The following CNTNAP2 variants were observed in gnomAD, a reference collection of about 807,000 sequenced individuals.
CNTNAP2 encodes contactin associated protein 2, also known as contactin-associated protein-like 2.
CNTNAP2 carries 98 observed loss-of-function variants against 155.2 expected under a neutral mutation model. The observed-to-expected ratio is 0.63, with a 90% CI of 0.54 to 0.75. The LOEUF (loss-of-function observed/expected upper bound fraction) is 0.75, where lower values mean the gene tolerates loss of function less well. Ranked by LOEUF, CNTNAP2 falls within the 30% of genes least tolerant of loss-of-function variation. The pLI is 0.00. For synonymous variants in CNTNAP2, 651 were observed against 631.2 expected, an observed-to-expected ratio of 1.03 and a Z score of -0.47; for missense variants, 1,727 against 1,688.1, an observed-to-expected ratio of 1.02 and a Z score of -0.40.
At chr7:146,790,934 T>C (rs529566499) in intron 2 of CNTNAP2, among the ~76,000 whole-genome samples, 5 of 152,114 alleles carry the variant, frequency 3.3e-5, no homozygotes, top group Admixed American at 2.6e-4. Flanking sequence ...TCTTTTTTTT[T>C]TTTAACTTTA....
At chr7:146,567,373 A>G (rs1798373463) in intron 1 of CNTNAP2, among the ~76,000 whole-genome samples, 1 of 152,188 alleles carries the variant, frequency 6.6e-6, no homozygotes. Context: ...CTTCAAAGCA[A>G]TTTTCTAAAA....
intron 21 of CNTNAP2, among the ~76,000 whole-genome samples, chr7:148,272,677 G>A (rs1278198553): frequency 6.6e-6 from 1 of 152,172 alleles, no homozygotes; most frequent in African/African-American, 2.4e-5. Flanking sequence ...AATAGAAGAT[G>A]GGAGACCCCC....
At position 146,716,382 on chromosome 7, in the gene CNTNAP2, C is replaced by CAAAAA. The variant is rs1563201029; in HGVS notation, c.98-57885_98-57884insAAAAA. 5.8e-3 allele frequency among the ~76,000 whole-genome samples: 886 copies of CAAAAA among 151,892 alleles called. 7 individuals are homozygous for CAAAAA. The highest frequency in any genetic ancestry group is 0.02 in the African/African-American group (835 of 41,372). On this transcript the variant is annotated intron_variant, in intron 1 of 23. Transcript: ENST00000361727. ...AAGAAATCAGTGGTTTAAAAAAACT[C>CAAAAA]AAAACAAAACAACTTGAGACCCTAA...
chr7:146,244,790 C>A (rs1799618405), intron 1 of CNTNAP2, among the ~76,000 whole-genome samples: 1 of 152,038 alleles, frequency 6.6e-6, no homozygotes, highest in South Asian at 2.1e-4. Flanking sequence ...ACTGCGGTGG[C>A]CTTCTCAGAC....
intron 18 of CNTNAP2, among the ~76,000 whole-genome samples, 176 bp from the exon 19 acceptor site, chr7:148,217,112 T>G (rs1462093195): frequency 6.6e-6 from 1 of 152,030 alleles, no homozygotes; most frequent in Non-Finnish European, 1.5e-5. Context: ...TACATGCTTT[T>G]TTTTTTTTTG....
chr7:147,224,194 A>G (rs996778371), intron 8 of CNTNAP2, among the ~76,000 whole-genome samples: 1 of 152,124 alleles, frequency 6.6e-6, no homozygotes, highest in African/African-American at 2.4e-5. Context: ...TTGGTTTTTC[A>G]ATTTGCTCTG....
intron 13 of CNTNAP2, among the ~76,000 whole-genome samples, chr7:147,824,706 C>G (rs1563102095): frequency 6.7e-6 from 1 of 149,820 alleles, no homozygotes; most frequent in Non-Finnish European, 1.5e-5. Flanking sequence ...CAATATCACC[C>G]AAAAAAACCC....
At chr7:146,307,382 A>G (rs1478174400) in intron 1 of CNTNAP2, among the ~76,000 whole-genome samples, 2 of 152,202 alleles carry the variant, frequency 1.3e-5, no homozygotes, top group African/African-American at 4.8e-5. Flanking sequence ...AAGAATCAAT[A>G]TTGTGAAAAT....
rs185018167 is a variant in CNTNAP2, at chr7:146,717,116, A to G, written c.98-57155A>G. ...TTCCTTAAGAGAGGTTATATAGGTG[A>G]AAGATCCTTATGCCTGGCAGCATAT... On this transcript the variant is annotated intron_variant, in intron 1 of 23. Coordinates refer to ENST00000361727, the MANE Select transcript of CNTNAP2 (RefSeq NM_014141.6). Among the ~76,000 whole-genome samples the G allele has an allele frequency of 2.1e-3, 319 of 152,246 alleles. 2 individuals are homozygous for G. Among genetic ancestry groups the G allele is most frequent in the Middle Eastern group, 0.017 (5 of 294 alleles).
At chr7:147,583,867 C>T (rs1288182069) in intron 12 of CNTNAP2, among the ~76,000 whole-genome samples, 1 of 152,012 alleles carries the variant, frequency 6.6e-6, no homozygotes, top group Non-Finnish European at 1.5e-5. Context: ...CTATCGGTAG[C>T]ATCTCACAAT....
chr7:146,904,420 C>A (rs1271265681), intron 3 of CNTNAP2, among the ~76,000 whole-genome samples: 1 of 152,162 alleles, frequency 6.6e-6, no homozygotes. Flanking sequence ...AGAACAATGT[C>A]AGGTATTTAT....
At chr7:147,266,488 T>C (rs1022371029) in intron 8 of CNTNAP2, among the ~76,000 whole-genome samples, 5 of 152,206 alleles carry the variant, frequency 3.3e-5, no homozygotes, top group African/African-American at 1.2e-4. Flanking sequence ...ATAATTTATC[T>C]CCATGCTTCT....
chr7:148,139,692 A>C (rs1291382641), intron 16 of CNTNAP2, among the ~76,000 whole-genome samples: 1 of 151,912 alleles, frequency 6.6e-6, no homozygotes, highest in Non-Finnish European at 1.5e-5. Context: ...GGCACCCTCT[A>C]TCATGCCCAG....
intron 2 of CNTNAP2, among the ~76,000 whole-genome samples, chr7:146,816,792 C>T (rs1803179626): frequency 6.6e-6 from 1 of 152,116 alleles, no homozygotes; most frequent in East Asian, 1.9e-4. Flanking sequence ...TTCTTACTAT[C>T]CATGTGATCT....
intron 1 of CNTNAP2, among the ~76,000 whole-genome samples, chr7:146,769,722 G>A (rs917182496): frequency 6.6e-6 from 1 of 151,770 alleles, no homozygotes; most frequent in Non-Finnish European, 1.5e-5. Flanking sequence ...AAGAGGTTTG[G>A]AAACTCACTC....
intron 11 of CNTNAP2, among the ~76,000 whole-genome samples, chr7:147,527,901 A>G (rs1453188211): frequency 6.6e-6 from 1 of 152,234 alleles, no homozygotes; most frequent in Non-Finnish European, 1.5e-5. Context: ...ATAATAAGAC[A>G]GGAGAGGGAG....
intron 13 of CNTNAP2, among the ~76,000 whole-genome samples, chr7:147,738,006 G>A (rs1302188414): frequency 1.3e-5 from 2 of 152,186 alleles, no homozygotes. Flanking sequence ...CTCATGCTCG[G>A]TGCCCTGCAC....
intron 3 of CNTNAP2, among the ~76,000 whole-genome samples, chr7:146,902,814 G>C (rs1186847937): frequency 6.6e-6 from 1 of 152,176 alleles, no homozygotes; most frequent in Non-Finnish European, 1.5e-5. Context: ...CAGCCTCAGG[G>C]CAGTGAGGAT....
At position 148,376,004 on chromosome 7, in the gene CNTNAP2, A is replaced by C. The variant is rs1798977680; in HGVS notation, c.3476-7645A>C. On this transcript the variant is annotated intron_variant, in intron 21 of 23. Transcript: ENST00000361727. Reference sequence around the variant, plus strand: ...AACAGAGCAAGACTCCATCTCAAAAAAAAAAAGAAAAAAAGAAACGTGAGT... The same window carrying C: ...AACAGAGCAAGACTCCATCTCAAAACAAAAAAGAAAAAAAGAAACGTGAGT... Among the ~76,000 whole-genome samples, 2 of 63,596 alleles carry C rather than the reference A, an allele frequency of 3.1e-5. 1 individual carries two copies. Among genetic ancestry groups the C allele is most frequent in the South Asian group, 9.3e-4 (2 of 2,142 alleles). The allele number at this position is 63,596 out of a possible 152,430, so 41.7% of individuals were successfully genotyped here.
Sources: gnomAD v4.1 joint callset for allele counts (sites outside exome capture counted in the v4.1 genomes callset) on GRCh38, gnomAD v4.1.1 for gene constraint, MANE v1.5 for transcripts, NCBI Gene and HGNC (gene_info 2026-07-23, HGNC 2026-07-21) for gene names.